Variants in SPOCK3 observed in about 807,000 individuals in gnomAD.
The protein encoded by SPOCK3 is testican-3.
A neutral mutation model predicts 56.6 loss-of-function variants in SPOCK3; 30 were observed. The observed-to-expected ratio is 0.53, with a 90% CI of 0.40 to 0.72. The LOEUF (loss-of-function observed/expected upper bound fraction) is 0.72, where lower values mean the gene tolerates loss of function less well. Among genes scored for constraint, SPOCK3 ranks in the 30% least tolerant of loss-of-function variants. The probability of loss-of-function intolerance (pLI) is 0.00; values close to 1 mark genes in which losing one functional copy is unlikely to be tolerated. For synonymous variants in SPOCK3, 196 were observed against 183.3 expected (o/e 1.07, Z -0.56); for missense variants, 527 against 530.0 (o/e 0.99, Z 0.06).
intron 9 of SPOCK3, among the ~76,000 whole-genome samples, chr4:166,739,269 CTCACTCCA>C (rs2126373283): frequency 6.6e-6 from 1 of 152,120 alleles, no homozygotes; most frequent in African/African-American, 2.4e-5. Flanking sequence ...GAGACAGAGT[CTCACTCCA>C]TCACTCAGGC....
At chr4:167,194,042 A>G (rs969788375) in intron 2 of SPOCK3, among the ~76,000 whole-genome samples, 7 of 152,208 alleles carry the variant, frequency 4.6e-5, no homozygotes, top group Admixed American at 1.3e-4. Flanking sequence ...TATGTTTTCT[A>G]CACTGTTTTG....
At chr4:166,957,067 A>G (rs1743578603) in intron 4 of SPOCK3, among the ~76,000 whole-genome samples, 3 of 152,142 alleles carry the variant, frequency 2.0e-5, no homozygotes, top group African/African-American at 7.2e-5. Context: ...CAGCCTGGCC[A>G]ACATGGTGAA....
Position 166,856,444 on chromosome 4 carries a change from T to C in SPOCK3, c.589+32686A>G, listed in dbSNP as rs77371188. 2.7e-3 allele frequency among the ~76,000 whole-genome samples: 404 copies of C among 152,282 alleles called. 10 individuals carry two copies. The East Asian group carries it at 0.061, about 23-fold the overall frequency. ...TGTACATCATATTTTACCCCATAAA[T>C]ATATGTAATTGTTATTTGTCATTTA... On this transcript the variant is annotated intron_variant, in intron 6 of 10. Coordinates refer to ENST00000357545, the MANE Select transcript of SPOCK3 (RefSeq NM_001040159.2).
At chr4:166,847,469 G>GCTCT (rs1748171898) in intron 6 of SPOCK3, among the ~76,000 whole-genome samples, 1 of 151,554 alleles carries the variant, frequency 6.6e-6, no homozygotes, top group Non-Finnish European at 1.5e-5. Context: ...AAGCATTGAT[G>GCTCT]CTCTGTTCAG....
chr4:166,942,487 C>A (rs76600105), intron 4 of SPOCK3, among the ~76,000 whole-genome samples: 88 of 131,720 alleles, frequency 6.7e-4, no homozygotes, highest in East Asian at 1.5e-3. Flanking sequence ...AAAAAAAAAA[C>A]AAAAGTTAAA....
chr4:166,807,751 A>C (rs534337560), intron 6 of SPOCK3, among the ~76,000 whole-genome samples: 1 of 152,274 alleles, frequency 6.6e-6, no homozygotes, highest in African/African-American at 2.4e-5. Context: ...TCAGGTAAGA[A>C]GAAAAAATTC....
chr4:166,835,790 G>A (rs1375492713), intron 6 of SPOCK3, among the ~76,000 whole-genome samples: 5 of 152,052 alleles, frequency 3.3e-5, no homozygotes, highest in Non-Finnish European at 5.9e-5. Context: ...ACCTGAGATC[G>A]GGAGTTCGAG....
chr4:166,792,678 T>C (rs186795796), intron 6 of SPOCK3, among the ~76,000 whole-genome samples: 1 of 152,216 alleles, frequency 6.6e-6, no homozygotes, highest in East Asian at 1.9e-4. Context: ...TTGTTGGCCA[T>C]ACCTCTTGTA....
intron 6 of SPOCK3, among the ~76,000 whole-genome samples, chr4:166,830,724 C>T (rs941888613): frequency 6.6e-6 from 1 of 151,958 alleles, no homozygotes; most frequent in African/African-American, 2.4e-5. Context: ...CAGAGTAAGA[C>T]TTTGTCTCCC....
At chr4:166,981,129 G>A (rs139822556) in intron 4 of SPOCK3, among the ~76,000 whole-genome samples, 1 of 152,226 alleles carries the variant, frequency 6.6e-6, no homozygotes, top group African/African-American at 2.4e-5. Context: ...GTTCCAACAA[G>A]TGTCCAGCTT....
At chr4:167,049,380 T>C (rs1210783367) in intron 3 of SPOCK3, among the ~76,000 whole-genome samples, 3 of 152,142 alleles carry the variant, frequency 2.0e-5, no homozygotes, top group Non-Finnish European at 4.4e-5. Context: ...AGATTGGAAG[T>C]GAAGTACAGG....
chr4:166,794,390 A>G (rs1462909115), intron 6 of SPOCK3, among the ~76,000 whole-genome samples: 1 of 152,042 alleles, frequency 6.6e-6, no homozygotes, highest in Non-Finnish European at 1.5e-5. Flanking sequence ...ATACTTGTGT[A>G]AGCGTCACAT....
At chr4:166,859,548 A>G (rs948378602) in intron 6 of SPOCK3, among the ~76,000 whole-genome samples, 3 of 152,120 alleles carry the variant, frequency 2.0e-5, no homozygotes, top group African/African-American at 7.2e-5. Flanking sequence ...ATAAACAGTG[A>G]CTATTTTTAG....
At chr4:167,146,662 C>A (rs1469416863) in intron 2 of SPOCK3, among the ~76,000 whole-genome samples, 1 of 152,130 alleles carries the variant, frequency 6.6e-6, no homozygotes. Flanking sequence ...GAAACTCACT[C>A]AAAACTGCAC....
intron 7 of SPOCK3, among the ~76,000 whole-genome samples, chr4:166,783,971 T>G (rs1740457386): frequency 6.6e-6 from 1 of 152,152 alleles, no homozygotes; most frequent in African/African-American, 2.4e-5. Flanking sequence ...TTGTTTTTTT[T>G]TGGGGGGAGG....
intron 4 of SPOCK3, among the ~76,000 whole-genome samples, chr4:166,949,697 G>A (rs943712872): frequency 6.6e-6 from 1 of 152,092 alleles, no homozygotes; most frequent in Non-Finnish European, 1.5e-5. Context: ...TCGTTCCTCT[G>A]GAAGTTTCGT....
At chr4:166,859,259 A>G (rs560459874) in intron 6 of SPOCK3, among the ~76,000 whole-genome samples, 2 of 152,244 alleles carry the variant, frequency 1.3e-5, no homozygotes, top group Non-Finnish European at 2.9e-5. Flanking sequence ...CCATTTCTCA[A>G]AATATAGTTC....
Position 166,748,896 on chromosome 4 carries a change from T to G in SPOCK3, c.931+5612A>C, listed in dbSNP as rs1225750052. Among the ~76,000 whole-genome samples, 27 of 137,650 alleles carry G rather than the reference T, an allele frequency of 2.0e-4. 5 individuals are homozygous for G. The highest frequency in any genetic ancestry group is 1.9e-3 in the Admixed American group (27 of 14,382). The allele number at this position is 137,650 out of a possible 152,430, so 90.3% of individuals were successfully genotyped here. A position where few individuals can be genotyped will look rare whatever the true frequency, so the allele number is the denominator to read the frequency against. ...ACAGACACAGAAAAAATGCTCATCA[T>G]CACTGGCCATCAGGGAAATGCATAT... On this transcript the variant is annotated intron_variant, in intron 8 of 10. Coordinates refer to ENST00000357545, the MANE Select transcript of SPOCK3 (RefSeq NM_001040159.2).
At chr4:166,953,836 C>CA (rs200303512) in intron 4 of SPOCK3, among the ~76,000 whole-genome samples, 83,572 of 151,742 alleles carry the variant, frequency 0.55, 25,873 homozygotes, top group East Asian at 0.85. Flanking sequence ...ATCGTAAGAA[C>CA]AAAAAACCAA....
Sources: allele counts gnomAD v4.1 joint callset (sites outside exome capture counted in the v4.1 genomes callset), GRCh38; gene constraint gnomAD v4.1.1; transcripts MANE v1.5; gene names NCBI Gene and HGNC (gene_info 2026-07-23, HGNC 2026-07-21).